FRMD6: variants seen among roughly 807,000 people sequenced by gnomAD.
FRMD6 encodes the protein FERM domain containing 6, also known as FERM domain-containing protein 6.
Under a neutral mutation model 73.2 loss-of-function variants are expected in FRMD6, and 37 were observed. That is an observed-to-expected ratio of 0.51 (90% CI 0.39 to 0.66). The LOEUF (loss-of-function observed/expected upper bound fraction) is 0.66. Ranked by LOEUF, FRMD6 falls within the 30% of genes least tolerant of loss-of-function variation. The pLI, the probability that FRMD6 is intolerant of heterozygous loss-of-function variation, is 0.00. For synonymous variants in FRMD6, 273 were observed against 282.2 expected (o/e 0.97, Z 0.33); for missense variants, 714 against 780.5 (o/e 0.91, Z 1.02).
intron 1 of FRMD6, among the ~76,000 whole-genome samples, chr14:51,669,886 A>G (rs1275840274): frequency 2.0e-5 from 3 of 149,694 alleles, no homozygotes; most frequent in Non-Finnish European, 4.4e-5. Flanking sequence ...ATGCCCTAAG[A>G]AAACCAGGGC....
chr14:51,704,878 C>T lies in FRMD6; in HGVS notation c.501C>T (p.Phe167=). The T allele has an allele frequency of 6.2e-7, 1 of 1,613,398 alleles. No individual in the cohort carries two copies. Among genetic ancestry groups the T allele is most frequent in the Non-Finnish European group, 8.5e-7 (1 of 1,179,578 alleles). Residue 167 remains phenylalanine (F), a synonymous_variant, in exon 6 of 14, where the codon TTC becomes TTT. Transcript: ENST00000344768. ...CCCTGCAGGCTGATCTTGGGAACTT[C>T]AAAAGGAATAAGCACTATGGAAAAT... is the stretch of plus-strand genomic sequence containing the variant. ...AFALQADLGN[F]KRNKHYGKYF...
At chr14:51,631,830 G>A (rs550672080) in intron 2 of FRMD6, among the ~76,000 whole-genome samples, 1 of 152,328 alleles carries the variant, frequency 6.6e-6, no homozygotes, top group East Asian at 1.9e-4. Context: ...AAGAGTGAGA[G>A]TGAAAATTAG....
chr14:51,524,256 AAATTGGAGGTC>A (rs1885105769), intron 1 of FRMD6, among the ~76,000 whole-genome samples: 1 of 152,110 alleles, frequency 6.6e-6, no homozygotes, highest in South Asian at 2.1e-4. Context: ...CTTCCTCTGT[AAATTGGAGGTC>A]AAAAGGTAAC....
intron 1 of FRMD6, among the ~76,000 whole-genome samples, chr14:51,513,468 T>C (rs533888748): frequency 1.3e-5 from 2 of 152,188 alleles, no homozygotes; most frequent in African/African-American, 2.4e-5. Flanking sequence ...AGCTACTAAG[T>C]CAGAAAACCC....
rs566185016 is a variant in FRMD6, at chr14:51,722,437, A to G, written c.1492+357A>G. On this transcript the variant is annotated intron_variant, in intron 12 of 13. Coordinates refer to ENST00000344768, the MANE Select transcript of FRMD6 (RefSeq NM_001267046.2). ...CTCCTTTTTACAGATAAGTTAACCT[A>G]TAGTTCAAAGAGGACAAATCCAACA... Among the ~76,000 whole-genome samples the G allele has an allele frequency of 2.0e-5, 3 of 152,328 alleles. No homozygotes were observed. The South Asian group carries it at 6.2e-4, about 32-fold the overall frequency.
At chr14:51,667,205 A>G (rs996074072) in intron 1 of FRMD6, among the ~76,000 whole-genome samples, 12 of 152,294 alleles carry the variant, frequency 7.9e-5, no homozygotes, top group African/African-American at 2.9e-4. Flanking sequence ...TGAAACTATA[A>G]TTATTTCAAA....
intron 2 of FRMD6, among the ~76,000 whole-genome samples, chr14:51,691,776 G>T (rs769043318): frequency 6.6e-6 from 1 of 151,420 alleles, no homozygotes; most frequent in Non-Finnish European, 1.5e-5. Context: ...TGTAATTTTA[G>T]TAGAGATGGG....
chr14:51,507,988 A>T (rs1425453026), intron 1 of FRMD6, among the ~76,000 whole-genome samples: 1 of 152,048 alleles, frequency 6.6e-6, no homozygotes, highest in Non-Finnish European at 1.5e-5. Flanking sequence ...CCCTTACCTG[A>T]TTGTGGGAGC....
intron 2 of FRMD6, among the ~76,000 whole-genome samples, chr14:51,646,125 T>A (rs1892054053): frequency 6.6e-6 from 1 of 151,734 alleles, no homozygotes. Flanking sequence ...GACACAATCC[T>A]GGCTAACACA....
chr14:51,631,171 C>T (rs1305731378), intron 2 of FRMD6, among the ~76,000 whole-genome samples: 1 of 152,212 alleles, frequency 6.6e-6, no homozygotes, highest in African/African-American at 2.4e-5. Flanking sequence ...AGTAATAGTT[C>T]TGCTTCTCTT....
chr14:51,557,385 G>A (rs1278106616), intron 1 of FRMD6, among the ~76,000 whole-genome samples: 2 of 152,024 alleles, frequency 1.3e-5, no homozygotes, highest in South Asian at 2.1e-4. Flanking sequence ...AGTGGTATAA[G>A]CCAGGCACAG....
chr14:51,469,149 C>G, the FRMD6 span, among the ~76,000 whole-genome samples: 1 of 151,628 alleles, frequency 6.6e-6, no homozygotes, highest in African/African-American at 2.4e-5. Flanking sequence ...ACCGTGTTAG[C>G]CAGGATAGTC....
chr14:51,662,794 TG>T (rs1387310356), intron 1 of FRMD6, among the ~76,000 whole-genome samples: 1 of 151,946 alleles, frequency 6.6e-6, no homozygotes, highest in Non-Finnish European at 1.5e-5. Flanking sequence ...AATGGACAAA[TG>T]GGATCTAATT....
chr14:51,661,656 C>T (rs1047343172), intron 1 of FRMD6, among the ~76,000 whole-genome samples: 1 of 152,160 alleles, frequency 6.6e-6, no homozygotes, highest in East Asian at 1.9e-4. Context: ...AGTTAGCTCA[C>T]ATGTTGCTGA....
At chr14:51,654,408 CTT>C (rs1892675300) in intron 1 of FRMD6, among the ~76,000 whole-genome samples, 1 of 151,974 alleles carries the variant, frequency 6.6e-6, no homozygotes, top group Non-Finnish European at 1.5e-5. Context: ...ACTGCGTAGC[CTT>C]TTGTGGCAGA....
chr14:51,494,017 G>C (rs1021172732), intron 1 of FRMD6, among the ~76,000 whole-genome samples: 1 of 152,130 alleles, frequency 6.6e-6, no homozygotes, highest in African/African-American at 2.4e-5. Flanking sequence ...GCTAGTGGGG[G>C]TTCTTTTTAA....
Position 51,686,531 on chromosome 14 carries a change from T to C in FRMD6, c.-146-3160T>C, listed in dbSNP as rs543043077. ...ACTTAAAGTTCCAGTGGGGGAATTG[T>C]ATAGCTCAACATATTGTTTTTGTAA... On this transcript the variant is annotated intron_variant, in intron 1 of 13. Transcript: ENST00000344768. Among the ~76,000 whole-genome samples, 5 of 152,274 alleles carry C rather than the reference T, an allele frequency of 3.3e-5. No homozygotes were observed. The East Asian group carries it at 9.6e-4, about 29-fold the overall frequency.
At chr14:51,550,580 A>AC (rs149360752) in intron 1 of FRMD6, among the ~76,000 whole-genome samples, 58,024 of 147,632 alleles carry the variant, frequency 0.39, 11,484 homozygotes, top group African/African-American at 0.47. Flanking sequence ...TTGGGAGGAG[A>AC]CCCCCCCGCC....
intron 7 of FRMD6, 75 bp downstream of exon 7, chr14:51,708,308 A>T: frequency 7.5e-7 from 1 of 1,336,704 alleles, no homozygotes; most frequent in Admixed American, 2.1e-5. Flanking sequence ...GGAAAACCGA[A>T]GGATTTCATT....
Sources: allele counts gnomAD v4.1 joint callset (sites outside exome capture counted in the v4.1 genomes callset), GRCh38; gene constraint gnomAD v4.1.1; transcripts MANE v1.5; gene names NCBI Gene and HGNC (gene_info 2026-07-23, HGNC 2026-07-21).